The following PCDHA7 variants were observed in gnomAD, a reference collection of about 807,000 sequenced individuals.
PCDHA7 encodes the protein protocadherin alpha-7.
PCDHA7 carries 37 observed loss-of-function variants against 57.2 expected under a neutral mutation model. That is an observed-to-expected ratio of 0.65 (90% CI 0.50 to 0.85). PCDHA7 has a LOEUF of 0.85. Ranked by LOEUF, PCDHA7 falls within the 40% of genes least tolerant of loss-of-function variation. PCDHA7 has a pLI of 0.00. For synonymous variants in PCDHA7, 553 were observed against 558.8 expected, an observed-to-expected ratio of 0.99 and a Z score of 0.15; for missense variants, 1,188 against 1,241.8, an observed-to-expected ratio of 0.96 and a Z score of 0.65.
chr5:140,929,174 G>C, intron 1 of PCDHA7: 1 of 1,614,140 alleles, frequency 6.2e-7, no homozygotes, highest in South Asian at 1.1e-5. Flanking sequence ...GCCTCTCTGG[G>C]ACTTGGTTCT....
chr5:140,903,713 A>G (rs1391210068), intron 1 of PCDHA7, among the ~76,000 whole-genome samples: 1 of 152,206 alleles, frequency 6.6e-6, no homozygotes, highest in Non-Finnish European at 1.5e-5. Flanking sequence ...TAAAATATAC[A>G]ATTCTCCCTA....
At chr5:140,869,601 T>C (rs1581902552) in intron 1 of PCDHA7, 1 of 1,613,936 alleles carries the variant, frequency 6.2e-7, no homozygotes, top group East Asian at 2.2e-5. Context: ...AAGAGAATGC[T>C]CTATTGACCT....
intron 1 of PCDHA7, among the ~76,000 whole-genome samples, chr5:140,970,414 A>G (rs2096403953): frequency 6.6e-6 from 1 of 152,224 alleles, no homozygotes; most frequent in South Asian, 2.1e-4. Context: ...CCCTACAGTA[A>G]GGTGTAGAGG....
chr5:140,876,936 G>T, intron 1 of PCDHA7: 1 of 1,613,730 alleles, frequency 6.2e-7, no homozygotes, highest in South Asian at 1.1e-5. Flanking sequence ...AGAAGAACGC[G>T]CTGGTGTCCT....
intron 1 of PCDHA7, chr5:140,847,725 G>A (rs1003517180): frequency 2.0e-5 from 3 of 149,656 alleles, no homozygotes; most frequent in Non-Finnish European, 4.5e-5. Flanking sequence ...CTACAAAAGA[G>A]AAAAATATAT....
rs890605582 is a variant in PCDHA7 at position 140,851,133 on chromosome 5, T to C, written c.2355+14395T>C. Reference sequence around the variant, plus strand: ...GAATCAATTTTATTTAAATTTGTGATTAAAGTGACATTGAATTTCTGATGC... The same window carrying C: ...GAATCAATTTTATTTAAATTTGTGACTAAAGTGACATTGAATTTCTGATGC... On this transcript the variant is annotated intron_variant, in intron 1 of 3. Transcript: ENST00000525929. 54 of 1,314,072 alleles carry C rather than the reference T, an allele frequency of 4.1e-5. 3 individuals carry two copies. Among genetic ancestry groups the C allele is most frequent in the Non-Finnish European group, 5.2e-5 (53 of 1,014,404 alleles). 81.4% of individuals were successfully genotyped at this position (1,314,072 alleles called of 1,614,324 possible). A position where few individuals can be genotyped will look rare whatever the true frequency, so the allele number is the denominator to read the frequency against.
chr5:140,928,930 C>T, intron 1 of PCDHA7: 1 of 1,614,108 alleles, frequency 6.2e-7, no homozygotes, highest in Non-Finnish European at 8.5e-7. Context: ...GCTTTCTGCC[C>T]AGAACTTGTA....
intron 1 of PCDHA7, chr5:140,869,342 A>G (rs782505088): frequency 1.2e-6 from 2 of 1,614,050 alleles, no homozygotes; most frequent in Admixed American, 3.3e-5. Flanking sequence ...GTAAATCTGC[A>G]GAATGGCATT....
chr5:140,957,827 T>C (rs2095387768), intron 1 of PCDHA7, among the ~76,000 whole-genome samples: 1 of 150,810 alleles, frequency 6.6e-6, no homozygotes, highest in Admixed American at 6.7e-5. Flanking sequence ...TAAGAGAAAG[T>C]GTTAATTGAT....
rs2150234771 is a variant in PCDHA7, at chr5:140,835,383, T to C, written c.1000T>C (p.Cys334Arg). ...DKGFPPLAGH[C>R]TVLVEVVDVN... ...AGGCTTCCCACCCCTGGCTGGTCAT[T>C]GTACAGTTCTTGTGGAAGTTGTGGA... Residue 334 changes from cysteine (C) to arginine (R), a missense_variant, in exon 1 of 4, where the codon TGT becomes CGT. Physicochemically the swap from Cys to Arg is radical, Grantham distance 180. Around this residue, in one of 3 missense-constraint regions of PCDHA7, gnomAD observed 102 missense variants for 267.4 expected, o/e 0.38. Coordinates refer to ENST00000525929, the MANE Select transcript of PCDHA7 (RefSeq NM_018910.3). The C allele has an allele frequency of 7.4e-6, 12 of 1,613,968 alleles. No individual in the cohort carries two copies. In the South Asian group the frequency reaches 1.3e-4, roughly 18 times the overall value.
chr5:140,835,582 C>T lies in PCDHA7; in HGVS notation c.1199C>T (p.Thr400Ile). The change falls in exon 1 of 4, where the codon ACC becomes ATC. Residue 400 changes from threonine to isoleucine, a missense_variant. Transcript: ENST00000525929. ...CGCGTTCCCTTCAAGTTGGTGTCCA[C>T]CTTCAAGAATTACTATTCATTGGTG... ...TPRVPFKLVS[T>I]FKNYYSLVLD... The T allele has an allele frequency of 6.2e-7, 1 of 1,613,912 alleles. No homozygotes were observed. The highest frequency in any genetic ancestry group is 8.5e-7 in the Non-Finnish European group (1 of 1,179,866).
rs2150265408 is a variant in PCDHA7, at chr5:140,836,608, C to G, written c.2225C>G (p.Ser742Cys). ...CSLVKPTLVC[S>C]SAVGSWSFSQ... ...TTGGTAAAGCCCACTCTGGTGTGCT[C>G]CAGCGCGGTGGGGAGCTGGTCATTC... Residue 742 changes from serine (S) to cysteine (C), a missense_variant, in exon 1 of 4, where the codon TCC (serine) becomes TGC (cysteine). This residue lies in a region of PCDHA7 where 892 missense variants were observed against 788.5 expected (regional missense o/e 1.13). Transcript: ENST00000525929. 3 of 1,613,518 alleles carry G rather than the reference C, an allele frequency of 1.9e-6. No homozygotes were observed. The highest frequency in any genetic ancestry group is 3.3e-5 in the Admixed American group (2 of 59,976).
intron 1 of PCDHA7, among the ~76,000 whole-genome samples, chr5:140,943,416 A>T (rs556948015): frequency 2.6e-5 from 4 of 152,286 alleles, no homozygotes; most frequent in African/African-American, 9.6e-5. Flanking sequence ...GACTAGAGGC[A>T]AGGGCTTTAA....
rs1478449575 is a variant in PCDHA7 at position 141,010,392 on chromosome 5, G to A, written c.*455G>A. The stretch of plus-strand genomic sequence containing the variant: ...GCGAGTGCCAGATATTGGCTGAGAC[G>A]AGCCAGCTTAGACTAATTGGTACAA... On this transcript the variant is annotated 3_prime_UTR_variant, in exon 4 of 4. Transcript: ENST00000525929. The A allele has an allele frequency of 8.0e-6, 11 of 1,381,722 alleles. No individual in the cohort carries two copies. The highest frequency in any genetic ancestry group is 7.3e-5 in the African/African-American group (5 of 68,772). The allele number at this position is 1,381,722 out of a possible 1,614,324, so 85.6% of individuals were successfully genotyped here. A position where few individuals can be genotyped will look rare whatever the true frequency, so the allele number is the denominator to read the frequency against.
intron 1 of PCDHA7, chr5:140,843,909 G>T: frequency 8.0e-6 from 5 of 623,976 alleles, no homozygotes; most frequent in Non-Finnish European, 1.4e-5. Context: ...CCACAAGTTG[G>T]GTCTATCTTG....
intron 1 of PCDHA7, among the ~76,000 whole-genome samples, chr5:140,954,247 A>T (rs782077145): frequency 2.6e-5 from 4 of 152,196 alleles, no homozygotes; most frequent in Non-Finnish European, 4.4e-5. Context: ...ATGAACATAC[A>T]CATGCAGGTA....
chr5:140,941,228 T>TTTCTTTCTTTCTTTCTTTC (rs2092920819), intron 1 of PCDHA7, among the ~76,000 whole-genome samples: 1 of 139,066 alleles, frequency 7.2e-6, no homozygotes, highest in Admixed American at 7.4e-5. Flanking sequence ...TCTTTCTTTC[T>TTTCTTTCTTTCTTTCTTTC]TTCTTTCTTT....
intron 1 of PCDHA7, chr5:140,877,996 AT>A (rs1305761926): frequency 2.6e-5 from 27 of 1,037,884 alleles, no homozygotes; most frequent in Non-Finnish European, 3.2e-5. Flanking sequence ...ACTTTTATGT[AT>A]TTGTCTAACA....
intron 3 of PCDHA7, among the ~76,000 whole-genome samples, chr5:140,993,762 A>G (rs1019928055): frequency 2.6e-5 from 4 of 152,204 alleles, no homozygotes; most frequent in Non-Finnish European, 4.4e-5. Flanking sequence ...TTATATTACA[A>G]TTGCGCAGTA....
Sources: allele counts gnomAD v4.1 joint callset (sites outside exome capture counted in the v4.1 genomes callset), GRCh38; gene constraint gnomAD v4.1.1; regional missense constraint gnomAD v4.1.1; transcripts MANE v1.5; gene names NCBI Gene and HGNC (gene_info 2026-07-23, HGNC 2026-07-21).